Variants in GBE1 observed in about 807,000 individuals in gnomAD.
GBE1 encodes the protein 1,4-alpha-glucan-branching enzyme.
Under a neutral mutation model 88.8 loss-of-function variants are expected in GBE1, and 70 were observed. That is an observed-to-expected ratio of 0.79 (90% CI 0.65 to 0.96). The LOEUF (loss-of-function observed/expected upper bound fraction) is 0.96, where lower values mean the gene tolerates loss of function less well. Among genes scored for constraint, GBE1 ranks in the 40% least tolerant of loss-of-function variants. GBE1 has a pLI of 0.00. For missense variants in GBE1, 872 were observed against 871.0 expected (o/e 1.00, Z -0.01); for synonymous variants, 284 against 300.1 (o/e 0.95, Z 0.56).
chr3:81,492,288 C>G (rs1702446791), intron 15 of GBE1, among the ~76,000 whole-genome samples: 1 of 152,190 alleles, frequency 6.6e-6, no homozygotes, highest in Non-Finnish European at 1.5e-5. Flanking sequence ...CTAATGCAAT[C>G]CTTTCCATGC....
intron 7 of GBE1, among the ~76,000 whole-genome samples, chr3:81,598,765 T>C (rs181280006): frequency 6.6e-6 from 1 of 151,836 alleles, no homozygotes; most frequent in East Asian, 1.9e-4. Context: ...TGTTAAATAA[T>C]GAGTAGCACA....
At chr3:81,535,710 T>C (rs1703066122) in intron 13 of GBE1, among the ~76,000 whole-genome samples, 1 of 152,116 alleles carries the variant, frequency 6.6e-6, no homozygotes, top group South Asian at 2.1e-4. Flanking sequence ...GTTAGGTACA[T>C]AAAATTACTT....
chr3:81,743,487 C>T, intron 1 of GBE1: 6 of 1,017,198 alleles, frequency 5.9e-6, no homozygotes, highest in South Asian at 2.7e-5. Flanking sequence ...AACAGAGAAT[C>T]AATCTTTCCA....
intron 12 of GBE1, among the ~76,000 whole-genome samples, chr3:81,549,048 T>C (rs1196383935): frequency 9.7e-5 from 12 of 124,350 alleles, no homozygotes; most frequent in African/African-American, 3.5e-4. Flanking sequence ...TTTTTTTTTT[T>C]CAGATGGAGT....
chr3:81,644,864 T>C (rs1704742560), intron 6 of GBE1, among the ~76,000 whole-genome samples: 1 of 152,150 alleles, frequency 6.6e-6, no homozygotes, highest in South Asian at 2.1e-4. Context: ...ATTTTGAAGT[T>C]ACAGATGGCT....
intron 7 of GBE1, among the ~76,000 whole-genome samples, chr3:81,607,542 C>T (rs2106982462): frequency 6.6e-6 from 1 of 152,118 alleles, no homozygotes; most frequent in East Asian, 1.9e-4. Flanking sequence ...AGCAAGATTC[C>T]ATCTCAAAAA....
In GBE1 at chr3:81,645,566, A is replaced by G. The variant is rs1280669818; in HGVS notation, c.782+826T>C. ...GAGTGGAGGATTTGGAGACAGTATT[A>G]TAGATAACTTATTGAGGGAGAACTA... On this transcript the variant is annotated intron_variant, in intron 6 of 15. Coordinates refer to ENST00000429644, the MANE Select transcript of GBE1 (RefSeq NM_000158.4). 2.0e-5 allele frequency among the ~76,000 whole-genome samples: 3 copies of G among 152,194 alleles called. No homozygotes were observed. In the East Asian group the frequency reaches 5.8e-4, roughly 29 times the overall value.
chr3:81,601,925 G>A (rs569377532), intron 7 of GBE1, among the ~76,000 whole-genome samples: 10 of 152,262 alleles, frequency 6.6e-5, no homozygotes, highest in African/African-American at 2.4e-4. Flanking sequence ...ACACAGCTAT[G>A]AACAGCAAAT....
intron 3 of GBE1, 191 bp from the exon 4 acceptor site, chr3:81,650,112 T>C: frequency 2.4e-6 from 1 of 422,536 alleles, no homozygotes; most frequent in Non-Finnish European, 4.2e-6. Context: ...TACTATATCA[T>C]CCTTAAAGTA....
intron 14 of GBE1, among the ~76,000 whole-genome samples, chr3:81,511,004 C>G (rs1702719661): frequency 6.6e-6 from 1 of 151,948 alleles, no homozygotes; most frequent in Non-Finnish European, 1.5e-5. Flanking sequence ...TATATCAAAA[C>G]ATCACACTGT....
intron 14 of GBE1, among the ~76,000 whole-genome samples, chr3:81,528,336 T>C (rs963154838): frequency 1.3e-5 from 2 of 151,880 alleles, no homozygotes; most frequent in African/African-American, 4.8e-5. Flanking sequence ...GTAACAAACC[T>C]GCATGTTATG....
intron 1 of GBE1, among the ~76,000 whole-genome samples, chr3:81,712,626 C>T (rs1705884904): frequency 6.8e-6 from 1 of 146,972 alleles, no homozygotes; most frequent in Non-Finnish European, 1.5e-5. Flanking sequence ...GGAAGGGGAA[C>T]ATCACACACT....
chr3:81,548,812 G>T (rs140046007), intron 12 of GBE1, among the ~76,000 whole-genome samples: 2 of 150,804 alleles, frequency 1.3e-5, no homozygotes, highest in African/African-American at 2.4e-5. Flanking sequence ...TGAGTTAACT[G>T]CATGGACTAA....
At chr3:81,527,740 G>C (rs1702961394) in intron 14 of GBE1, among the ~76,000 whole-genome samples, 1 of 152,098 alleles carries the variant, frequency 6.6e-6, no homozygotes, top group African/African-American at 2.4e-5. Flanking sequence ...AGGATGTGGA[G>C]AAATAGGAAC....
intron 2 of GBE1, among the ~76,000 whole-genome samples, chr3:81,681,693 A>G (rs555437172): frequency 1.3e-5 from 2 of 152,356 alleles, no homozygotes; most frequent in East Asian, 3.9e-4. Context: ...AATGAGGGAA[A>G]GAATAGTCTT....
intron 1 of GBE1, among the ~76,000 whole-genome samples, chr3:81,719,097 T>C (rs17019216): frequency 0.015 from 2,309 of 152,266 alleles, 74 homozygotes; most frequent in African/African-American, 0.053. Flanking sequence ...TGGTCAAAAA[T>C]AAAATTGGTG....
intron 12 of GBE1, among the ~76,000 whole-genome samples, chr3:81,542,647 T>A (rs1444302205): frequency 6.6e-6 from 1 of 151,986 alleles, no homozygotes; most frequent in Non-Finnish European, 1.5e-5. Flanking sequence ...TACCATATAA[T>A]GGTATTGAAA....
intron 14 of GBE1, among the ~76,000 whole-genome samples, chr3:81,531,305 T>C (rs769475386): frequency 6.6e-6 from 1 of 151,972 alleles, no homozygotes; most frequent in Non-Finnish European, 1.5e-5. Context: ...AGGAGTCTGC[T>C]TGGTGTTTTC....
intron 3 of GBE1, among the ~76,000 whole-genome samples, chr3:81,656,490 T>A (rs773441515): frequency 6.6e-6 from 1 of 152,178 alleles, no homozygotes; most frequent in Non-Finnish European, 1.5e-5. Context: ...TTTTAACTTC[T>A]GCACTTCAAA....
Sources: allele counts gnomAD v4.1 joint callset (sites outside exome capture counted in the v4.1 genomes callset), GRCh38; gene constraint gnomAD v4.1.1; transcripts MANE v1.5; gene names NCBI Gene and HGNC (gene_info 2026-07-23, HGNC 2026-07-21).